Variants in TTC12 observed in about 807,000 individuals in gnomAD.
TTC12 encodes tetratricopeptide repeat protein 12.
Under a neutral mutation model 90.1 loss-of-function variants are expected in TTC12, and 70 were observed. That is an observed-to-expected ratio of 0.78 (90% CI 0.64 to 0.95). TTC12 has a LOEUF of 0.95. TTC12 is among the 40% of genes least tolerant of loss of function. The probability of loss-of-function intolerance (pLI) is 0.00; values close to 1 mark genes in which losing one functional copy is unlikely to be tolerated. For missense variants in TTC12, 819 were observed against 846.1 expected (o/e 0.97, Z 0.40); for synonymous variants, 296 against 311.5 (o/e 0.95, Z 0.53).
downstream of TTC12, chr11:113,368,431 C>G (rs1418696147): frequency 2.6e-6 from 4 of 1,550,258 alleles, no homozygotes; most frequent in Non-Finnish European, 3.5e-6. Context: ...CCAGGAGCCC[C>G]GACACCACCC....
In TTC12 at chr11:113,365,021, C is replaced by T; in HGVS notation, c.2003C>T (p.Ala668Val). The T allele has an allele frequency of 6.2e-7, 1 of 1,614,158 alleles. No homozygotes were observed. The highest frequency in any genetic ancestry group is 8.5e-7 in the Non-Finnish European group (1 of 1,180,030). The change falls in exon 21 of 22, where the codon GCA becomes GTA. Residue 668 changes from alanine (A) to valine (V), a missense_variant. Transcript: ENST00000529221. Reference sequence around the variant, plus strand: ...CAGAAGACGGCCGTGCAGGTGAACGCAGGCATTGCTCTGGGGAAGCTGTGC... The same window carrying T: ...CAGAAGACGGCCGTGCAGGTGAACGTAGGCATTGCTCTGGGGAAGCTGTGC... The part of the protein sequence containing the change: ...DTQKTAVQVN[A>V]GIALGKLCTA...
chr11:113,346,817 AATATT>A (rs1327135689), intron 13 of TTC12, among the ~76,000 whole-genome samples: 1 of 152,092 alleles, frequency 6.6e-6, no homozygotes, highest in African/African-American at 2.4e-5. Context: ...AGGGCTCAAT[AATATT>A]TTTATAATCA....
rs367770762 is a variant in TTC12, at chr11:113,338,766, T to G, written c.577-8T>G. 5 of 1,612,876 alleles carry G rather than the reference T, an allele frequency of 3.1e-6. No individual in the cohort carries two copies. The highest frequency in any genetic ancestry group is 4.2e-6 in the Non-Finnish European group (5 of 1,179,128). On this transcript the variant is annotated splice_region_variant and splice_polypyrimidine_tract_variant and intron_variant, in intron 8 of 21. Transcript: ENST00000529221. The stretch of plus-strand genomic sequence containing the variant: ...ACCACTCTTCAAGGTCTTGTTTCTT[T>G]TTTCCAGTCTAGAGAGTGTTATAAG...
At chr11:113,363,989 A>T (rs768295704) in intron 20 of TTC12, 62 bp downstream of exon 20, 190 of 1,164,976 alleles carry the variant, frequency 1.6e-4, no homozygotes, top group Non-Finnish European at 2.2e-4. Context: ...TTGAAGCTGC[A>T]AAGGGAACTG....
At chr11:113,359,200 C>CT (rs141972276) in intron 16 of TTC12, among the ~76,000 whole-genome samples, 163 bp from the exon 17 acceptor site, 3,444 of 152,198 alleles carry the variant, frequency 0.023, 127 homozygotes, top group African/African-American at 0.075. Context: ...TGGACCAACA[C>CT]TAACTCATAG....
intron 2 of TTC12, among the ~76,000 whole-genome samples, chr11:113,320,409 G>A (rs1555137787): frequency 6.6e-6 from 1 of 152,114 alleles, no homozygotes. Flanking sequence ...GAAAAGAGGA[G>A]GAATGTCTGA....
At chr11:113,326,311 CTG>C (rs1947691865) in intron 6 of TTC12, among the ~76,000 whole-genome samples, 1 of 152,178 alleles carries the variant, frequency 6.6e-6, no homozygotes, top group East Asian at 1.9e-4. Context: ...AAACCATCAC[CTG>C]TGACCTTATC....
At chr11:113,338,640 G>A (rs1948507600) in intron 8 of TTC12, 134 bp from the exon 9 acceptor site, 1 of 604,314 alleles carries the variant, frequency 1.7e-6, no homozygotes, top group Non-Finnish European at 3.0e-6. Flanking sequence ...GTGTTCCTAT[G>A]CCTGTCTCCT....
intron 17 of TTC12, 68 bp downstream of exon 17, chr11:113,359,529 A>G (rs573885325): frequency 8.9e-4 from 953 of 1,070,326 alleles, no homozygotes; most frequent in Non-Finnish European, 1.3e-3. Flanking sequence ...GCATAAAACC[A>G]TTCTCATGTT....
chr11:113,371,675 A>G (rs1194481935), intron 21 of TTC12: 1 of 152,208 alleles, frequency 6.6e-6, no homozygotes, highest in African/African-American at 2.4e-5. Flanking sequence ...TAGGGACTCC[A>G]ACAAGACCCG....
rs963462792 is a variant in TTC12 at position 113,343,190 on chromosome 11, A to G, written c.986-1082A>G. 3.9e-5 allele frequency among the ~76,000 whole-genome samples: 6 copies of G among 152,280 alleles called. No homozygotes were observed. In the East Asian group the frequency reaches 1.2e-3, roughly 29 times the overall value. On this transcript the variant is annotated intron_variant, in intron 12 of 21. Coordinates refer to ENST00000529221, the MANE Select transcript of TTC12 (RefSeq NM_017868.4). ...GAAGAGAAGCCAATTACAGGGTAGG[A>G]TGTATAATATTTTACACATTATTTA...
chr11:113,351,376 C>A, intron 15 of TTC12, 77 bp downstream of exon 15: 1 of 1,131,864 alleles, frequency 8.8e-7, no homozygotes, highest in Non-Finnish European at 1.3e-6. Context: ...ACACAATTTA[C>A]AATCCAGAAC....
At chr11:113,354,520 G>A (rs1949510233) in intron 16 of TTC12, among the ~76,000 whole-genome samples, 1 of 152,118 alleles carries the variant, frequency 6.6e-6, no homozygotes, top group Admixed American at 6.6e-5. Context: ...GGTGGGAGAG[G>A]GCATCCTTAT....
In TTC12 at chr11:113,364,697, A is replaced by G. The variant is rs2298489; in HGVS notation, c.1817-138A>G. 425,591 of 668,064 alleles carry G rather than the reference A, an allele frequency of 0.64. 137,242 individuals carry two copies. Among genetic ancestry groups the G allele is most frequent in the Non-Finnish European group, 0.67 (252,142 of 377,334 alleles). The allele number at this position is 668,064 out of a possible 1,614,324, so 41.4% of individuals were successfully genotyped here. A position where few individuals can be genotyped will look rare whatever the true frequency, so the allele number is the denominator to read the frequency against. On this transcript the variant is annotated intron_variant, in intron 20 of 21. Coordinates refer to ENST00000529221, the MANE Select transcript of TTC12 (RefSeq NM_017868.4). ...ATTCAGTGAATGTTTGCTGATGAGT[A>G]AGTGAACAAGTTCTGCTGCAGAGTT...
At chr11:113,336,359 T>C (rs868957928) in intron 8 of TTC12, among the ~76,000 whole-genome samples, 4 of 152,358 alleles carry the variant, frequency 2.6e-5, no homozygotes, top group African/African-American at 9.6e-5. Flanking sequence ...TGATGTTCTT[T>C]GCGGCACAAA....
intron 11 of TTC12, among the ~76,000 whole-genome samples, chr11:113,341,094 G>A (rs1276348172): frequency 6.6e-6 from 1 of 152,162 alleles, no homozygotes; most frequent in African/African-American, 2.4e-5. Context: ...GCTGGGCATG[G>A]TGGCAGGCAC....
At chr11:113,334,173 G>A (rs1591549817) in intron 7 of TTC12, among the ~76,000 whole-genome samples, 1 of 152,282 alleles carries the variant, frequency 6.6e-6, no homozygotes, top group South Asian at 2.1e-4. Context: ...CCTTTGAAGG[G>A]CATCTGATTT....
At chr11:113,365,144 G>C in intron 21 of TTC12, 84 bp downstream of exon 21, 2 of 1,219,226 alleles carry the variant, frequency 1.6e-6, no homozygotes, top group Non-Finnish European at 1.2e-6. Flanking sequence ...GGGACTGCAT[G>C]CCACACAGAA....
chr11:113,358,424 G>A (rs1949738960), intron 16 of TTC12, among the ~76,000 whole-genome samples: 3 of 152,178 alleles, frequency 2.0e-5, no homozygotes, highest in Non-Finnish European at 2.9e-5. Context: ...GTCTGCCAGT[G>A]CAGAAGCTAT....
Sources: gnomAD v4.1 joint callset for allele counts (sites outside exome capture counted in the v4.1 genomes callset) on GRCh38, gnomAD v4.1.1 for gene constraint, MANE v1.5 for transcripts, NCBI Gene and HGNC (gene_info 2026-07-23, HGNC 2026-07-21) for gene names.